The following ATXN7 variants were observed in gnomAD, a reference collection of about 807,000 sequenced individuals.
The protein encoded by ATXN7 is ataxin 7.
Under a neutral mutation model 70.5 loss-of-function variants are expected in ATXN7, and 12 were observed. The observed-to-expected ratio is 0.17, with a 90% CI of 0.11 to 0.28. ATXN7 has a LOEUF of 0.28. Among genes scored for constraint, ATXN7 ranks in the 10% least tolerant of loss-of-function variants. ATXN7 has a pLI of 1.00. For missense variants in ATXN7, 1,256 were observed against 1,131.7 expected, an observed-to-expected ratio of 1.11 and a Z score of -1.58; for synonymous variants, 498 against 448.7, an observed-to-expected ratio of 1.11 and a Z score of -1.39.
rs566090650 is a variant in ATXN7, at chr3:63,890,697, G to A, written c.-110-7702G>A. ...TGCTGTTGGTAATGAAAATTATGAC[G>A]ATAGTAAGAATACTTTATAAGAGTA... On this transcript the variant is annotated intron_variant, in intron 1 of 12. Transcript: ENST00000674280. 7.2e-5 allele frequency among the ~76,000 whole-genome samples: 11 copies of A among 152,242 alleles called. No homozygotes were observed. In the East Asian group the frequency reaches 7.7e-4, roughly 11 times the overall value.
At chr3:63,923,596 T>A (rs2107322789) in intron 4 of ATXN7, among the ~76,000 whole-genome samples, 1 of 152,040 alleles carries the variant, frequency 6.6e-6, no homozygotes, top group South Asian at 2.1e-4. Flanking sequence ...CACTTGAGTT[T>A]AGGAGTTTGA....
intron 2 of ATXN7, chr3:63,911,530 A>C (rs965706689): frequency 2.6e-5 from 4 of 152,332 alleles, no homozygotes; most frequent in African/African-American, 7.2e-5. Context: ...AAAATGAATC[A>C]GATTTTTACT....
At chr3:63,956,274 A>T (rs143368258) in intron 5 of ATXN7, among the ~76,000 whole-genome samples, 3,589 of 152,204 alleles carry the variant, frequency 0.024, 77 homozygotes, top group African/African-American at 0.059. Context: ...TACTAAAAAT[A>T]CAAAAAATAA....
rs962428875 is a variant in ATXN7, at chr3:63,870,121, A to G, written c.-111+5963A>G. On this transcript the variant is annotated intron_variant, in intron 1 of 12. Coordinates refer to ENST00000674280, the MANE Select transcript of ATXN7 (RefSeq NM_001377405.1). The stretch of plus-strand genomic sequence containing the variant: ...GTCTCTACACCTACTCAGCTCTGCC[A>G]TGATAGCAGGAAAACACTCATAGAT... 3.9e-5 allele frequency among the ~76,000 whole-genome samples: 6 copies of G among 152,236 alleles called. No homozygotes were observed. In the East Asian group the frequency reaches 1.2e-3, roughly 29 times the overall value.
chr3:63,961,405 G>C (rs1288662435), intron 5 of ATXN7, among the ~76,000 whole-genome samples: 1 of 152,016 alleles, frequency 6.6e-6, no homozygotes, highest in African/African-American at 2.4e-5. Flanking sequence ...TCTAAGGACC[G>C]TCCTTCTTTG....
intron 3 of ATXN7, 74 bp from the exon 4 acceptor site, chr3:63,913,083 C>G: frequency 6.6e-7 from 1 of 1,519,576 alleles, no homozygotes; most frequent in African/African-American, 1.4e-5. Context: ...CTACCCCGTG[C>G]GTGCGTGAGT....
At chr3:63,882,830 C>T (rs1021403666) in intron 1 of ATXN7, among the ~76,000 whole-genome samples, 2 of 152,146 alleles carry the variant, frequency 1.3e-5, no homozygotes, top group African/African-American at 4.8e-5. Context: ...CTTAGTGAGG[C>T]AGTTTTGGTG....
chr3:63,897,128 T>G (rs968565450), intron 1 of ATXN7, among the ~76,000 whole-genome samples: 1 of 152,198 alleles, frequency 6.6e-6, no homozygotes, highest in Non-Finnish European at 1.5e-5. Context: ...CTATAAAGTA[T>G]TTAGGATTCA....
At chr3:63,981,588 TA>T (rs2075488268) in intron 6 of ATXN7, among the ~76,000 whole-genome samples, 1 of 152,214 alleles carries the variant, frequency 6.6e-6, no homozygotes, top group Non-Finnish European at 1.5e-5. Context: ...GCTCCTGTCA[TA>T]GAAACATTTT....
At chr3:63,999,151 C>G in intron 12 of ATXN7, 1 of 325,768 alleles carries the variant, frequency 3.1e-6, no homozygotes, top group South Asian at 3.7e-5. Context: ...GACACAAAAT[C>G]AGTAAATAAA....
rs777248770 is a variant in ATXN7 at position 63,982,221 on chromosome 3, C to T, written c.788C>T (p.Pro263Leu). 18 of 1,613,942 alleles carry T rather than the reference C, an allele frequency of 1.1e-5. No homozygotes were observed. Among genetic ancestry groups the T allele is most frequent in the African/African-American group, 2.7e-5 (2 of 74,874 alleles). The change falls in exon 7 of 13, where the codon CCG (proline) becomes CTG (leucine). Residue 263 changes from proline (P) to leucine (L), a missense_variant. Physicochemically the swap from Pro to Leu is moderately conservative, Grantham distance 98. Coordinates refer to ENST00000674280, the MANE Select transcript of ATXN7 (RefSeq NM_001377405.1). ...TCTGTGAAAGTGGAAAAGATTCATC[C>T]GAAAATGGATGGCACACTACTGAAA... is the stretch of plus-strand genomic sequence containing the variant. ...TPSVKVEKIH[P>L]KMDGTLLKSA...
At chr3:63,990,506 C>T (rs1055858449) in intron 10 of ATXN7, 132 bp downstream of exon 10, 21 of 1,248,988 alleles carry the variant, frequency 1.7e-5, no homozygotes, top group South Asian at 4.2e-5. Context: ...AAGTTCAAAA[C>T]AGGGTGCCCC....
intron 11 of ATXN7, among the ~76,000 whole-genome samples, chr3:63,994,944 G>A (rs1344582192): frequency 1.3e-5 from 2 of 152,154 alleles, no homozygotes; most frequent in Non-Finnish European, 2.9e-5. Flanking sequence ...TTGATACTGT[G>A]GGGCTTTATT....
intron 1 of ATXN7, among the ~76,000 whole-genome samples, chr3:63,889,057 GA>G (rs1199055110): frequency 6.6e-6 from 1 of 151,998 alleles, no homozygotes; most frequent in Non-Finnish European, 1.5e-5. Flanking sequence ...CTAATTTTAA[GA>G]CCATATATTT....
intron 5 of ATXN7, among the ~76,000 whole-genome samples, chr3:63,966,712 A>G (rs1467509684): frequency 6.6e-6 from 1 of 152,162 alleles, no homozygotes; most frequent in Non-Finnish European, 1.5e-5. Context: ...GGTCTAATAG[A>G]AGCCGTTTTC....
intron 5 of ATXN7, among the ~76,000 whole-genome samples, chr3:63,971,803 T>A (rs2075316406): frequency 6.6e-6 from 1 of 152,186 alleles, no homozygotes; most frequent in Non-Finnish European, 1.5e-5. Flanking sequence ...TAAATAATGG[T>A]CTAGATATTG....
At position 63,898,221 on chromosome 3, in the gene ATXN7, TAA is replaced by T. The variant is rs11292430; in HGVS notation, c.-110-164_-110-163del. Among the ~76,000 whole-genome samples, 1,027 of 148,262 alleles carry T rather than the reference TAA, an allele frequency of 6.9e-3. 5 individuals carry two copies. The highest frequency in any genetic ancestry group is 0.012 in the African/African-American group (466 of 40,374). On this transcript the variant is annotated intron_variant, in intron 1 of 12. Coordinates refer to ENST00000674280, the MANE Select transcript of ATXN7 (RefSeq NM_001377405.1). ...TAACTATAGCCAATTAAGTTCATTG[TAA>T]AAAAAAAAAAAAATCACATTTGTAG... is the stretch of plus-strand genomic sequence containing the variant.
chr3:63,952,588 C>A, intron 5 of ATXN7, 105 bp downstream of exon 5: 1 of 617,366 alleles, frequency 1.6e-6, no homozygotes, highest in Non-Finnish European at 2.6e-6. Context: ...GTCCCTCCCC[C>A]ACCAGGAAGT....
chr3:63,900,852 G>C (rs1703610613), intron 2 of ATXN7: 1 of 152,402 alleles, frequency 6.6e-6, no homozygotes, highest in Non-Finnish European at 1.5e-5. Context: ...AGAGAAAGAA[G>C]AGGAGGCACA....
Sources: allele counts gnomAD v4.1 joint callset (sites outside exome capture counted in the v4.1 genomes callset), GRCh38; gene constraint gnomAD v4.1.1; transcripts MANE v1.5; gene names NCBI Gene and HGNC (gene_info 2026-07-23, HGNC 2026-07-21).